The following MTUS2 variants were observed in gnomAD, a reference collection of about 807,000 sequenced individuals.
MTUS2 encodes the protein microtubule associated scaffold protein 2.
MTUS2 carries 40 observed loss-of-function variants against 114.1 expected under a neutral mutation model. The observed-to-expected ratio is 0.35, with a 90% confidence interval of 0.27 to 0.46. The LOEUF (loss-of-function observed/expected upper bound fraction) is 0.46. MTUS2 is among the 20% of genes least tolerant of loss of function. The probability of loss-of-function intolerance (pLI) is 1.00; values close to 1 mark genes in which losing one functional copy is unlikely to be tolerated. For missense variants in MTUS2, 1,679 were observed against 1,705.4 expected (o/e 0.98, Z 0.27); for synonymous variants, 688 against 672.0 (o/e 1.02, Z -0.37).
chr13:29,285,881 A>G (rs1481343231), intron 6 of MTUS2, among the ~76,000 whole-genome samples: 1 of 152,226 alleles, frequency 6.6e-6, no homozygotes, highest in Non-Finnish European at 1.5e-5. Context: ...ACTTTGGAAG[A>G]TATTGGGAAA....
intron 2 of MTUS2, among the ~76,000 whole-genome samples, chr13:29,008,899 C>G (rs1415054428): frequency 6.6e-6 from 1 of 151,024 alleles, no homozygotes; most frequent in Admixed American, 6.6e-5. Flanking sequence ...CTTTTGTTTC[C>G]CTGGTAATTT....
intron 2 of MTUS2, among the ~76,000 whole-genome samples, chr13:28,895,738 A>C (rs1029222290): frequency 2.0e-5 from 3 of 152,210 alleles, no homozygotes; most frequent in Non-Finnish European, 4.4e-5. Context: ...GTAGCCCTCC[A>C]CTGTTGGATA....
At chr13:29,162,720 A>G (rs1306279435) in intron 5 of MTUS2, among the ~76,000 whole-genome samples, 1 of 152,228 alleles carries the variant, frequency 6.6e-6, no homozygotes, top group African/African-American at 2.4e-5. Flanking sequence ...GAACCACATG[A>G]GTCTAATTCA....
chr13:29,250,747 T>A (rs1008079089), intron 5 of MTUS2, among the ~76,000 whole-genome samples: 1 of 152,200 alleles, frequency 6.6e-6, no homozygotes, highest in African/African-American at 2.4e-5. Context: ...TCTCTCAGGA[T>A]AAACTGCTTT....
At position 29,158,267 on chromosome 13, in the gene MTUS2, GACTTTCATGT is replaced by G. The variant is rs547991575; in HGVS notation, c.2644+57304_2644+57313del. Among the ~76,000 whole-genome samples the G allele has an allele frequency of 2.6e-3, 387 of 150,792 alleles. 2 individuals are homozygous for G. The highest frequency in any genetic ancestry group is 9.0e-3 in the African/African-American group (368 of 41,006). ...GACCTACCAAGTGCAGGCACTGAGT[GACTTTCATGT>G]ACTTTCGTATTTACACCTCGCCACA... On this transcript the variant is annotated intron_variant, in intron 5 of 15. Transcript: ENST00000612955.
chr13:29,427,654 TTC>T (rs1401549415), intron 8 of MTUS2, among the ~76,000 whole-genome samples: 1 of 152,230 alleles, frequency 6.6e-6, no homozygotes, highest in Non-Finnish European at 1.5e-5. Context: ...ATACTTGCCT[TTC>T]TCTGAGCCTA....
At chr13:29,071,452 G>T (rs1392469140) in intron 4 of MTUS2, among the ~76,000 whole-genome samples, 26 of 68,446 alleles carry the variant, frequency 3.8e-4, no homozygotes, top group Admixed American at 1.7e-3. Flanking sequence ...TTGAGACAGA[G>T]TCTCCCTCTG....
chr13:29,472,009 C>G (rs1195416780), intron 9 of MTUS2, among the ~76,000 whole-genome samples: 1 of 152,082 alleles, frequency 6.6e-6, no homozygotes, highest in East Asian at 1.9e-4. Context: ...TTCTTTCACT[C>G]TTGGTCCATG....
At chr13:28,916,385 G>A (rs1013564280) in intron 2 of MTUS2, among the ~76,000 whole-genome samples, 1 of 151,778 alleles carries the variant, frequency 6.6e-6, no homozygotes, top group Non-Finnish European at 1.5e-5. Flanking sequence ...GATTGCTTTG[G>A]GTAGTATGGG....
At chr13:29,371,790 G>T (rs1341542695) in intron 8 of MTUS2, among the ~76,000 whole-genome samples, 1 of 151,988 alleles carries the variant, frequency 6.6e-6, no homozygotes, top group Non-Finnish European at 1.5e-5. Flanking sequence ...TGTTTTCCAG[G>T]TAAAGAAACA....
chr13:28,910,962 G>A (rs1880386460), intron 2 of MTUS2, among the ~76,000 whole-genome samples: 1 of 133,348 alleles, frequency 7.5e-6, no homozygotes, highest in African/African-American at 2.8e-5. Context: ...TGCAAGCTCT[G>A]CCTCCCAGGT....
chr13:29,497,490 A>G (rs1882629281), intron 13 of MTUS2, 154 bp downstream of exon 13: 2 of 648,618 alleles, frequency 3.1e-6, no homozygotes, highest in South Asian at 1.9e-5. Flanking sequence ...TTTTTAAACA[A>G]TTCCTGTCAG....
In MTUS2 at chr13:29,462,621, TTGAGGCAGGGACAGGAGACC is replaced by T. The variant is rs1188835166; in HGVS notation, c.3185-17526_3185-17507del. ...TGAAAGTCAGTGGGAGATAGGGAAT[TTGAGGCAGGGACAGGAGACC>T]TGCGTTTGTTTTGTAAGGAAGACTA... On this transcript the variant is annotated intron_variant, in intron 9 of 15. Coordinates refer to ENST00000612955, the MANE Select transcript of MTUS2 (RefSeq NM_001033602.4). Among the ~76,000 whole-genome samples, 13 of 152,152 alleles carry T rather than the reference TTGAGGCAGGGACAGGAGACC, an allele frequency of 8.5e-5. No homozygotes were observed. The East Asian group carries it at 1.9e-3, about 23-fold the overall frequency.
At chr13:29,223,163 C>T (rs931451829) in intron 5 of MTUS2, among the ~76,000 whole-genome samples, 25 of 152,250 alleles carry the variant, frequency 1.6e-4, no homozygotes, top group African/African-American at 5.3e-4. Context: ...GCCTGGGGGC[C>T]CAGGCTGCCA....
intron 2 of MTUS2, among the ~76,000 whole-genome samples, chr13:28,919,065 T>C (rs981092524): frequency 1.3e-5 from 2 of 152,150 alleles, no homozygotes; most frequent in African/African-American, 4.8e-5. Flanking sequence ...TTTTGATTGG[T>C]CCATTGTTTA....
chr13:28,922,644 C>T (rs936629608), intron 2 of MTUS2, among the ~76,000 whole-genome samples: 7 of 152,118 alleles, frequency 4.6e-5, no homozygotes, highest in South Asian at 2.1e-4. Context: ...CCAGTCATTG[C>T]GCTCTCCCTC....
chr13:29,435,094 C>G (rs1356252820), intron 8 of MTUS2, among the ~76,000 whole-genome samples: 1 of 152,114 alleles, frequency 6.6e-6, no homozygotes, highest in African/African-American at 2.4e-5. Context: ...ACTCAGCGTG[C>G]AAAGGAGAGC....
At chr13:28,857,697 G>T (rs887825129) in intron 2 of MTUS2, among the ~76,000 whole-genome samples, 4 of 152,212 alleles carry the variant, frequency 2.6e-5, no homozygotes, top group Non-Finnish European at 5.9e-5. Context: ...TGATCACTAT[G>T]TAAGAAAGTA....
At position 29,151,956 on chromosome 13, in the gene MTUS2, G is replaced by A. The variant is rs187228467; in HGVS notation, c.2644+50986G>A. On this transcript the variant is annotated intron_variant, in intron 5 of 15. Transcript: ENST00000612955. ...TGCTAGTGTTTTGTTGAGGATTTTT[G>A]CATCTATGTTCATTGGATATTGGCC... Among the ~76,000 whole-genome samples, 194 of 152,182 alleles carry A rather than the reference G, an allele frequency of 1.3e-3. 1 individual carries two copies. Among genetic ancestry groups the A allele is most frequent in the African/African-American group, 3.7e-3 (154 of 41,522 alleles).
Sources: allele counts gnomAD v4.1 joint callset (sites outside exome capture counted in the v4.1 genomes callset), GRCh38; gene constraint gnomAD v4.1.1; transcripts MANE v1.5; gene names NCBI Gene and HGNC (gene_info 2026-07-23, HGNC 2026-07-21).